The following RBFOX1 variants were observed in gnomAD, a reference collection of about 807,000 sequenced individuals.
RBFOX1 encodes RNA binding fox-1 homolog 1.
A neutral mutation model predicts 57.7 loss-of-function variants in RBFOX1; 8 were observed. That is an observed-to-expected ratio of 0.14 (90% confidence interval 0.08 to 0.25). The LOEUF is 0.25. RBFOX1 is among the 10% of genes least tolerant of loss of function. The probability of loss-of-function intolerance (pLI) is 1.00; values close to 1 mark genes in which losing one functional copy is unlikely to be tolerated. For synonymous variants in RBFOX1, 326 were observed against 222.4 expected, an observed-to-expected ratio of 1.47 and a Z score of -4.15; for missense variants, 611 against 548.5, an observed-to-expected ratio of 1.11 and a Z score of -1.14.
intron 4 of RBFOX1, among the ~76,000 whole-genome samples, chr16:5,898,605 G>T (rs959599438): frequency 6.6e-6 from 1 of 151,238 alleles, no homozygotes; most frequent in Admixed American, 6.6e-5. Flanking sequence ...TGTCAAGTCT[G>T]TTTTGCAGAT....
intron 1 of RBFOX1, among the ~76,000 whole-genome samples, chr16:6,022,556 C>G (rs1176467264): frequency 1.3e-5 from 2 of 152,054 alleles, no homozygotes; most frequent in Non-Finnish European, 2.9e-5. Flanking sequence ...GTGGTGCACA[C>G]ATGTAATCCC....
At chr16:6,337,726 C>T (rs1043437065) in intron 2 of RBFOX1, among the ~76,000 whole-genome samples, 1 of 152,026 alleles carries the variant, frequency 6.6e-6, no homozygotes, top group African/African-American at 2.4e-5. Context: ...TTTATAAGAC[C>T]ATCTCTGTAA....
chr16:5,666,295 T>C (rs4375660), intron 3 of RBFOX1, among the ~76,000 whole-genome samples: 91,887 of 152,106 alleles, frequency 0.6, 29,429 homozygotes, highest in Non-Finnish European at 0.72. Context: ...TCTGTGACCT[T>C]CTTCTTTTCT....
At chr16:6,391,074 C>T (rs1213946066) in intron 2 of RBFOX1, among the ~76,000 whole-genome samples, 1 of 152,168 alleles carries the variant, frequency 6.6e-6, no homozygotes. Context: ...ATAAAAATGT[C>T]TCCAGACATT....
intron 4 of RBFOX1, among the ~76,000 whole-genome samples, chr16:7,503,775 A>T (rs1029506392): frequency 6.6e-6 from 1 of 152,154 alleles, no homozygotes; most frequent in Non-Finnish European, 1.5e-5. Flanking sequence ...CACTTTTGCC[A>T]ATGTTTATTT....
At chr16:6,934,096 A>T (rs1215465703) in intron 3 of RBFOX1, among the ~76,000 whole-genome samples, 1 of 152,182 alleles carries the variant, frequency 6.6e-6, no homozygotes, top group Non-Finnish European at 1.5e-5. Flanking sequence ...TTTCAGAGGT[A>T]GTTGGCAATG....
chr16:6,586,621 C>T (rs1026954561), intron 2 of RBFOX1, among the ~76,000 whole-genome samples: 1 of 152,278 alleles, frequency 6.6e-6, no homozygotes, highest in East Asian at 1.9e-4. Flanking sequence ...CCACATTACA[C>T]ACTCTTCTGT....
intron 3 of RBFOX1, among the ~76,000 whole-genome samples, chr16:6,785,355 C>G (rs549440172): frequency 6.6e-6 from 1 of 152,184 alleles, no homozygotes; most frequent in South Asian, 2.1e-4. Flanking sequence ...TCCCAGTTGC[C>G]CTGTGTATAG....
At chr16:5,608,043 T>A (rs2047649517) in intron 3 of RBFOX1, among the ~76,000 whole-genome samples, 1 of 152,172 alleles carries the variant, frequency 6.6e-6, no homozygotes, top group Non-Finnish European at 1.5e-5. Context: ...GTGTGTCTCT[T>A]TGGTCACAGA....
chr16:7,310,660 T>A (rs1312008112), intron 4 of RBFOX1, among the ~76,000 whole-genome samples: 1 of 152,236 alleles, frequency 6.6e-6, no homozygotes, highest in Non-Finnish European at 1.5e-5. Flanking sequence ...TAATATTTTT[T>A]AAAATTAACT....
chr16:6,952,319 C>G (rs2080934389), intron 3 of RBFOX1, among the ~76,000 whole-genome samples: 1 of 152,170 alleles, frequency 6.6e-6, no homozygotes, highest in South Asian at 2.1e-4. Context: ...AAGTAGAACT[C>G]CAGTTTTGAC....
intron 3 of RBFOX1, among the ~76,000 whole-genome samples, chr16:6,976,422 T>C (rs2086866411): frequency 6.6e-6 from 1 of 152,120 alleles, no homozygotes; most frequent in African/African-American, 2.4e-5. Context: ...GCGAGCATGT[T>C]TTATACATCT....
At chr16:5,658,334 T>A (rs1357153552) in intron 3 of RBFOX1, among the ~76,000 whole-genome samples, 1 of 152,136 alleles carries the variant, frequency 6.6e-6, no homozygotes, top group Non-Finnish European at 1.5e-5. Context: ...AGTCCAAGTT[T>A]GTAGCTGAAA....
chr16:6,867,043 C>G (rs60888749), intron 3 of RBFOX1, among the ~76,000 whole-genome samples: 4 of 150,426 alleles, frequency 2.7e-5, no homozygotes, highest in Non-Finnish European at 5.9e-5. Flanking sequence ...ACTTCCATGT[C>G]TTGCTATTAT....
chr16:6,107,295 C>T (rs772810803), intron 1 of RBFOX1, among the ~76,000 whole-genome samples: 1 of 152,060 alleles, frequency 6.6e-6, no homozygotes, highest in Non-Finnish European at 1.5e-5. Flanking sequence ...GTCTTCCTTT[C>T]ACTACCCATG....
intron 3 of RBFOX1, among the ~76,000 whole-genome samples, chr16:5,654,433 A>C (rs1337441291): frequency 2.0e-5 from 3 of 152,136 alleles, no homozygotes; most frequent in Non-Finnish European, 4.4e-5. Flanking sequence ...CCCAACCTAA[A>C]GTCCATACCA....
At chr16:5,343,533 G>A (rs1286000848) in intron 1 of RBFOX1, among the ~76,000 whole-genome samples, 1 of 151,558 alleles carries the variant, frequency 6.6e-6, no homozygotes, top group East Asian at 1.9e-4. Flanking sequence ...GTGTTACCCA[G>A]GATGGTCTTG....
chr16:5,730,277 G>C (rs1340442860), intron 3 of RBFOX1, among the ~76,000 whole-genome samples: 1 of 152,094 alleles, frequency 6.6e-6, no homozygotes, highest in Non-Finnish European at 1.5e-5. Context: ...CCTGATCCTT[G>C]GGGATTTAGT....
Position 7,567,291 on chromosome 16 carries a change from T to C in RBFOX1, c.271-12486T>C, listed in dbSNP as rs55966440. Reference sequence around the variant, plus strand: ...CCTATATATATATCCCTATATATCCTTATATATGGCCCTATATATATATAT... The same window carrying C: ...CCTATATATATATCCCTATATATCCCTATATATGGCCCTATATATATATAT... On this transcript the variant is annotated intron_variant, in intron 5 of 15. Coordinates refer to ENST00000550418, the MANE Select transcript of RBFOX1 (RefSeq NM_018723.4). Among the ~76,000 whole-genome samples, 67 of 28,826 alleles carry C rather than the reference T, an allele frequency of 2.3e-3. 6 individuals are homozygous for C. Among genetic ancestry groups the C allele is most frequent in the African/African-American group, 5.3e-3 (53 of 9,914 alleles). 18.9% of individuals were successfully genotyped at this position (28,826 alleles called of 152,430 possible). A position where few individuals can be genotyped will look rare whatever the true frequency, so the allele number is the denominator to read the frequency against.
Sources: gnomAD v4.1 joint callset for allele counts (sites outside exome capture counted in the v4.1 genomes callset) on GRCh38, gnomAD v4.1.1 for gene constraint, MANE v1.5 for transcripts, NCBI Gene and HGNC (gene_info 2026-07-23, HGNC 2026-07-21) for gene names.